The following WNT11 variants were observed in gnomAD, a reference collection of about 807,000 sequenced individuals.
WNT11 encodes the protein Wnt family member 11, also known as protein Wnt-11.
WNT11 carries 20 observed loss-of-function variants against 35.6 expected under a neutral mutation model. That is an observed-to-expected ratio of 0.56 (90% CI 0.40 to 0.82). The LOEUF (loss-of-function observed/expected upper bound fraction) is 0.82. WNT11 is among the 40% of genes least tolerant of loss of function. The pLI, the probability that WNT11 is intolerant of heterozygous loss-of-function variation, is 0.00. For synonymous variants in WNT11, 200 were observed against 211.9 expected, an observed-to-expected ratio of 0.94 and a Z score of 0.49; for missense variants, 459 against 504.4, an observed-to-expected ratio of 0.91 and a Z score of 0.86.
upstream of WNT11, chr11:76,210,411 C>G: frequency 1.0e-6 from 1 of 984,276 alleles, no homozygotes; most frequent in South Asian, 4.7e-5. Flanking sequence ...CGGACTCGGG[C>G]GCCCCCAGCC....
intron 3 of WNT11, among the ~76,000 whole-genome samples, chr11:76,192,234 G>A (rs1953197084): frequency 6.6e-6 from 1 of 152,248 alleles, no homozygotes; most frequent in South Asian, 2.1e-4. Context: ...GCCCAAGGGT[G>A]CAGATAGAAA....
rs1218469492 is a variant in WNT11, at chr11:76,186,923, A to C, written c.*142T>G. ...TCTGTTCCTGGTGGCTTCCAAGTGA[A>C]GGCAAAGCACAAGCCGCCTCCCATG... On this transcript the variant is annotated 3_prime_UTR_variant, in exon 5 of 5. Coordinates refer to ENST00000322563, the MANE Select transcript of WNT11 (RefSeq NM_004626.3). 3 of 1,321,936 alleles carry C rather than the reference A, an allele frequency of 2.3e-6. No homozygotes were observed. The South Asian group carries it at 3.8e-5, about 17-fold the overall frequency. The allele number at this position is 1,321,936 out of a possible 1,614,324, so 81.9% of individuals were successfully genotyped here.
Position 76,194,486 on chromosome 11 carries a change from C to T in WNT11, c.597+81G>A. ...AGGGCCCGTCCCCCCGCACCCCCCA[C>T]CACTGGGGCAAGCTGGGTGGCCCTT... On this transcript the variant is annotated intron_variant, in intron 3 of 4. Transcript: ENST00000322563. The surrounding 1 kb of genome is among the most constrained non-coding windows in gnomAD (Gnocchi z 5.4). The T allele has an allele frequency of 1.4e-6, 2 of 1,478,890 alleles. No individual in the cohort carries two copies. Among genetic ancestry groups the T allele is most frequent in the Non-Finnish European group, 1.8e-6 (2 of 1,105,878 alleles). 91.6% of individuals were successfully genotyped at this position (1,478,890 alleles called of 1,614,324 possible). A position where few individuals can be genotyped will look rare whatever the true frequency, so the allele number is the denominator to read the frequency against.
chr11:76,207,202 G>A (rs184931649), upstream of WNT11, among the ~76,000 whole-genome samples: 185 of 152,114 alleles, frequency 1.2e-3, no homozygotes, highest in African/African-American at 3.9e-3. Context: ...TCTCTACTAC[G>A]AATACAAAAA....
chr11:76,201,701 T>C (rs980757026), intron 1 of WNT11, among the ~76,000 whole-genome samples: 6 of 152,150 alleles, frequency 3.9e-5, no homozygotes, highest in African/African-American at 1.4e-4. Flanking sequence ...AAGCTCTGGC[T>C]CAGCAGCTCT....
At chr11:76,208,365 C>T (rs1371128946), upstream of WNT11, among the ~76,000 whole-genome samples, 1 of 152,162 alleles carries the variant, frequency 6.6e-6, no homozygotes, top group Non-Finnish European at 1.5e-5. Context: ...AGCACAGGGG[C>T]GCCTGCGACA....
rs1196076933 is a variant in WNT11 at position 76,194,963 on chromosome 11, G to A, written c.320-119C>T. On this transcript the variant is annotated intron_variant, in intron 2 of 4. Transcript: ENST00000322563. The surrounding 1 kb of genome is among the most constrained non-coding windows in gnomAD (Gnocchi z 5.4). ...AACCAAGGTGACGCCAGCAGGGGTC[G>A]GCACTAGGGCCATTGAGATGTCACC... 2.2e-5 allele frequency: 27 copies of A among 1,244,438 alleles called. No individual in the cohort carries two copies. Among genetic ancestry groups the A allele is most frequent in the East Asian group, 7.7e-5 (3 of 38,774 alleles). The allele number at this position is 1,244,438 out of a possible 1,614,324, so 77.1% of individuals were successfully genotyped here.
Position 76,186,465 on chromosome 11 carries a change from G to C in WNT11, c.*600C>G, listed in dbSNP as rs946087049. 16 of 149,716 alleles carry C rather than the reference G, an allele frequency of 1.1e-4. No homozygotes were observed. Among genetic ancestry groups the C allele is most frequent in the Non-Finnish European group, 1.8e-4 (12 of 67,622 alleles). 9.3% of individuals were successfully genotyped at this position (149,716 alleles called of 1,614,324 possible). ...TGCTTAAAAAGCTAGTTTTAAAATA[G>C]AGATCATTATATATATACATATATA... On this transcript the variant is annotated 3_prime_UTR_variant, in exon 5 of 5. Coordinates refer to ENST00000322563, the MANE Select transcript of WNT11 (RefSeq NM_004626.3).
In WNT11 at chr11:76,199,631, C is replaced by T. The variant is rs1057311911; in HGVS notation, c.84-2913G>A. ...CATTCTGGCCAATATGGTGAAACCCCGTCTCTACTAAAATACAAAAAATTA... is the reference window on the plus strand; with the variant it reads ...CATTCTGGCCAATATGGTGAAACCCTGTCTCTACTAAAATACAAAAAATTA... On this transcript the variant is annotated intron_variant, in intron 1 of 4. Coordinates refer to ENST00000322563, the MANE Select transcript of WNT11 (RefSeq NM_004626.3). 1.2e-4 allele frequency among the ~76,000 whole-genome samples: 18 copies of T among 151,970 alleles called. 1 individual carries two copies. Among genetic ancestry groups the T allele is most frequent in the South Asian group, 6.2e-4 (3 of 4,816 alleles).
intron 1 of WNT11, among the ~76,000 whole-genome samples, chr11:76,204,023 A>C (rs749073918): frequency 8.5e-5 from 13 of 152,194 alleles, no homozygotes; most frequent in Non-Finnish European, 1.3e-4. Context: ...AACGGGGGTA[A>C]TAGCAGCACC....
intron 4 of WNT11, among the ~76,000 whole-genome samples, chr11:76,190,138 G>A (rs945381790): frequency 4.6e-5 from 7 of 152,138 alleles, no homozygotes; most frequent in East Asian, 1.9e-4. Context: ...CCCTGTGAGC[G>A]GTGGGGTGCC....
At chr11:76,188,989 G>C (rs1475927073) in intron 4 of WNT11, among the ~76,000 whole-genome samples, 2 of 152,216 alleles carry the variant, frequency 1.3e-5, no homozygotes, top group African/African-American at 2.4e-5. Context: ...AAGGAGGGGA[G>C]CGCCTGGGGA....
intron 1 of WNT11, among the ~76,000 whole-genome samples, chr11:76,202,301 C>T (rs975357727): frequency 3.9e-5 from 6 of 152,178 alleles, no homozygotes; most frequent in Non-Finnish European, 8.8e-5. Context: ...CTGATGAGGG[C>T]TGCGGGCTGG....
At chr11:76,209,120 C>T (rs1953519293), upstream of WNT11, among the ~76,000 whole-genome samples, 1 of 152,168 alleles carries the variant, frequency 6.6e-6, no homozygotes, top group South Asian at 2.1e-4. Context: ...CTATAGGACA[C>T]TTGCCGTGGG....
intron 4 of WNT11, among the ~76,000 whole-genome samples, chr11:76,190,202 C>G (rs375469442): frequency 1.3e-5 from 2 of 152,138 alleles, no homozygotes; most frequent in South Asian, 2.1e-4. Context: ...GGGATGTGCT[C>G]AAGTCCCCCT....
In WNT11 at chr11:76,187,187, C is replaced by G. The variant is rs778229304; in HGVS notation, c.943G>C (p.Gly315Arg). The stretch of plus-strand genomic sequence containing the variant: ...TCTGTGTAGGGGTTGTAGCCACGCC[C>G]GCAGCACATAAGGTCGCAGCTGTCG... The part of the protein sequence containing the change: ...GSDSCDLMCC[G>R]RGYNPYTDRV... The change falls in exon 5 of 5, where the codon GGG becomes CGG. Residue 315 changes from glycine to arginine, a missense_variant. By Grantham distance (125) the Gly-to-Arg change is moderately radical (BLOSUM62 -2). Coordinates refer to ENST00000322563, the MANE Select transcript of WNT11 (RefSeq NM_004626.3). The G allele has an allele frequency of 6.2e-7, 1 of 1,609,962 alleles. No individual in the cohort carries two copies. Among genetic ancestry groups the G allele is most frequent in the Non-Finnish European group, 8.5e-7 (1 of 1,180,006 alleles).
intron 2 of WNT11, among the ~76,000 whole-genome samples, chr11:76,195,286 C>T (rs1953263842): frequency 6.6e-6 from 1 of 152,194 alleles, no homozygotes. Flanking sequence ...GAAGTGGGGT[C>T]TTTGCAGATG....
rs1953105074 is a variant in WNT11, at chr11:76,186,986, T to C, written c.*79A>G. 1.9e-6 allele frequency: 3 copies of C among 1,587,136 alleles called. No homozygotes were observed. Among genetic ancestry groups the C allele is most frequent in the Non-Finnish European group, 2.6e-6 (3 of 1,171,356 alleles). ...AATTCACAAGCAGAGCTCCATGGAGTGTCTCCAGGCCCCTGGCCCCAGTTG... is the reference window on the plus strand; with the variant it reads ...AATTCACAAGCAGAGCTCCATGGAGCGTCTCCAGGCCCCTGGCCCCAGTTG... On this transcript the variant is annotated 3_prime_UTR_variant, in exon 5 of 5. Coordinates refer to ENST00000322563, the MANE Select transcript of WNT11 (RefSeq NM_004626.3).
chr11:76,206,634 C>A, upstream of WNT11: 1 of 897,294 alleles, frequency 1.1e-6, no homozygotes, highest in Non-Finnish European at 1.4e-6. Context: ...TCCGCCCGGC[C>A]GGGGGACGCG....
Sources: gnomAD v4.1 joint callset for allele counts (sites outside exome capture counted in the v4.1 genomes callset) on GRCh38, gnomAD v4.1.1 for gene constraint, Gnocchi (gnomAD v3.1) non-coding constraint, MANE v1.5 for transcripts, NCBI Gene and HGNC (gene_info 2026-07-23, HGNC 2026-07-21) for gene names.